Variants in FBXO25 observed in about 807,000 individuals in gnomAD.
FBXO25 encodes F-box protein 25, also known as F-box only protein 25.
FBXO25 carries 45 observed loss-of-function variants against 51.9 expected under a neutral mutation model. The ratio of observed to expected loss-of-function variants is 0.87; its 90% CI spans 0.68 to 1.11. The LOEUF (loss-of-function observed/expected upper bound fraction) is 1.11. Ranked by LOEUF, FBXO25 falls within the 50% of genes most tolerant of loss-of-function variation. The probability of loss-of-function intolerance (pLI) is 0.00; values close to 1 mark genes in which losing one functional copy is unlikely to be tolerated. For missense variants in FBXO25, 507 were observed against 428.5 expected (o/e 1.18, Z -1.62); for synonymous variants, 199 against 151.0 (o/e 1.32, Z -2.33).
At chr8:450,207 T>G (rs1798994670) in intron 6 of FBXO25, 124 bp downstream of exon 6, 1 of 565,606 alleles carries the variant, frequency 1.8e-6, no homozygotes, top group African/African-American at 2.0e-5. Context: ...GTAAATAATG[T>G]GATAACATCA....
intron 9 of FBXO25, among the ~76,000 whole-genome samples, chr8:465,939 AT>A (rs1264410628): frequency 6.6e-6 from 1 of 152,202 alleles, no homozygotes; most frequent in Non-Finnish European, 1.5e-5. Context: ...CTTTGTTATC[AT>A]ACTTGATCAT....
intron 5 of FBXO25, among the ~76,000 whole-genome samples, chr8:441,061 T>C (rs1035444725): frequency 4.7e-5 from 7 of 148,320 alleles, no homozygotes; most frequent in Admixed American, 2.0e-4. Context: ...TGTGCGTGTG[T>C]CTTTATAGTA....
Position 411,128 on chromosome 8 carries a change from T to C in FBXO25, c.-7-1945T>C, listed in dbSNP as rs1205132084. 1.3e-5 allele frequency among the ~76,000 whole-genome samples: 2 copies of C among 152,236 alleles called. 1 individual carries two copies. The highest frequency in any genetic ancestry group is 2.9e-5 in the Non-Finnish European group (2 of 68,044). On this transcript the variant is annotated intron_variant, in intron 1 of 9. Coordinates refer to ENST00000350302, the MANE Select transcript of FBXO25 (RefSeq NM_183420.2). Reference sequence around the variant, plus strand: ...TACATTTTTCTCTACGATATAAATATTCTATATTATAAAATACTCAAGTCT... The same window carrying C: ...TACATTTTTCTCTACGATATAAATACTCTATATTATAAAATACTCAAGTCT...
Position 432,209 on chromosome 8 carries a change from C to T in FBXO25, c.239-677C>T, listed in dbSNP as rs192281839. On this transcript the variant is annotated intron_variant, in intron 3 of 9. Coordinates refer to ENST00000350302, the MANE Select transcript of FBXO25 (RefSeq NM_183420.2). ...TCAACAGGTGATCCGATAACCAAGA[C>T]GGCTACTGAGTGACCAAGGGGCGGG... Among the ~76,000 whole-genome samples the T allele has an allele frequency of 3.0e-4, 46 of 152,198 alleles. 1 individual carries two copies. The highest frequency in any genetic ancestry group is 6.8e-3 in the Middle Eastern group (2 of 294).
At chr8:468,154 T>A in intron 9 of FBXO25, 1 of 1,027,382 alleles carries the variant, frequency 9.7e-7, no homozygotes, top group Non-Finnish European at 1.2e-6. Flanking sequence ...TCACTTCTCA[T>A]ATTAAATATA....
At position 451,394 on chromosome 8, in the gene FBXO25, T is replaced by C. The variant is rs775475294; in HGVS notation, c.601T>C (p.Cys201Arg). 6.2e-7 allele frequency: 1 copy of C among 1,614,042 alleles called. No individual in the cohort carries two copies. The highest frequency in any genetic ancestry group is 1.1e-5 in the South Asian group (1 of 91,064). The change falls in exon 7 of 10, where the codon TGC becomes CGC. Residue 201 changes from cysteine to arginine, a missense_variant. Coordinates refer to ENST00000350302, the MANE Select transcript of FBXO25 (RefSeq NM_183420.2). ...VLVGNINIWI[C>R]RLETILAWQQ... ...AGTGGGAAACATCAATATTTGGATT[T>C]GCCGATTAGAAACTATTCTCGCCTG...
chr8:447,463 C>A (rs1332002195), intron 5 of FBXO25, among the ~76,000 whole-genome samples: 2 of 152,092 alleles, frequency 1.3e-5, no homozygotes, highest in Non-Finnish European at 1.5e-5. Context: ...GCAGACAGTT[C>A]ATCATAAATG....
At chr8:439,405 T>G (rs543208173) in intron 5 of FBXO25, among the ~76,000 whole-genome samples, 1 of 152,226 alleles carries the variant, frequency 6.6e-6, no homozygotes, top group Admixed American at 6.5e-5. Flanking sequence ...TTTCCTAAAG[T>G]ACACACATCT....
chr8:449,518 T>G (rs1798944939), intron 5 of FBXO25, among the ~76,000 whole-genome samples: 2 of 152,258 alleles, frequency 1.3e-5, no homozygotes, highest in African/African-American at 4.8e-5. Flanking sequence ...TTTGGTGTTG[T>G]GTTTCCTTTT....
At chr8:438,822 C>A (rs2117690668) in intron 5 of FBXO25, among the ~76,000 whole-genome samples, 1 of 152,342 alleles carries the variant, frequency 6.6e-6, no homozygotes, top group African/African-American at 2.4e-5. Context: ...TCAAGCCTAC[C>A]TGGCTGGGAC....
intron 5 of FBXO25, among the ~76,000 whole-genome samples, chr8:438,059 C>CTT (rs1416537152): frequency 2.1e-5 from 3 of 142,736 alleles, no homozygotes; most frequent in Admixed American, 7.0e-5. Context: ...TAATGTGTAT[C>CTT]TTTTTTTTTT....
intron 2 of FBXO25, among the ~76,000 whole-genome samples, chr8:418,065 C>T (rs1224089788): frequency 6.6e-6 from 1 of 152,112 alleles, no homozygotes; most frequent in African/African-American, 2.4e-5. Context: ...TGTGTCAGTG[C>T]AGGTTACACA....
intron 2 of FBXO25, among the ~76,000 whole-genome samples, chr8:426,790 C>T (rs1273289816): frequency 5.2e-5 from 7 of 134,528 alleles, no homozygotes; most frequent in Non-Finnish European, 1.0e-4. Context: ...TGAGATGGGC[C>T]CACATTGGCT....
intron 2 of FBXO25, 36 bp downstream of exon 2, chr8:413,249 A>T: frequency 1.3e-6 from 2 of 1,523,934 alleles, no homozygotes; most frequent in Non-Finnish European, 1.8e-6. Flanking sequence ...GCCATTTGCC[A>T]GTTTAGCATG....
chr8:444,638 G>T (rs1228084892), intron 5 of FBXO25, among the ~76,000 whole-genome samples: 1 of 152,072 alleles, frequency 6.6e-6, no homozygotes, highest in Non-Finnish European at 1.5e-5. Context: ...TACTTGTTTA[G>T]AATTGTCAGA....
intron 2 of FBXO25, among the ~76,000 whole-genome samples, chr8:415,706 C>A (rs943367970): frequency 1.3e-5 from 2 of 152,184 alleles, no homozygotes; most frequent in African/African-American, 4.8e-5. Flanking sequence ...GAGGGTTCAG[C>A]TGGGGAAATG....
rs1017996200 is a variant in FBXO25, at chr8:469,695, C to T, written c.*891C>T. ...CATTTTAGAAAATTAGAAAATCAGT[C>T]CCACCACCCAAAGATTATTGTGCAT... On this transcript the variant is annotated 3_prime_UTR_variant, in exon 10 of 10. Transcript: ENST00000350302. The T allele has an allele frequency of 6.9e-6, 1 of 144,184 alleles. No individual in the cohort carries two copies. Among genetic ancestry groups the T allele is most frequent in the Non-Finnish European group, 1.5e-5 (1 of 66,298 alleles). The allele number at this position is 144,184 out of a possible 1,614,324, so 8.9% of individuals were successfully genotyped here.
chr8:456,215 T>C (rs1192443438), intron 7 of FBXO25, among the ~76,000 whole-genome samples: 1 of 152,206 alleles, frequency 6.6e-6, no homozygotes, highest in African/African-American at 2.4e-5. Flanking sequence ...TGTTTTGTTT[T>C]GTTTTTGTCT....
chr8:443,842 C>G (rs1798576236), intron 5 of FBXO25, among the ~76,000 whole-genome samples: 3 of 152,032 alleles, frequency 2.0e-5, no homozygotes, highest in Admixed American at 6.6e-5. Context: ...AGACAATAAA[C>G]TTGAGAAGTC....
Sources: gnomAD v4.1 joint callset for allele counts (sites outside exome capture counted in the v4.1 genomes callset) on GRCh38, gnomAD v4.1.1 for gene constraint, MANE v1.5 for transcripts, NCBI Gene and HGNC (gene_info 2026-07-23, HGNC 2026-07-21) for gene names.